COPG2: variants seen among roughly 807,000 people sequenced by gnomAD.
COPG2 encodes coatomer subunit gamma-2.
A neutral mutation model predicts 46.3 loss-of-function variants in COPG2; 37 were observed. That is an observed-to-expected ratio of 0.80 (90% CI 0.61 to 1.05). The LOEUF (loss-of-function observed/expected upper bound fraction) is 1.05. Ranked by LOEUF, COPG2 falls within the 50% of genes least tolerant of loss-of-function variation. COPG2 has a pLI of 0.00. For synonymous variants in COPG2, 159 were observed against 129.7 expected, an observed-to-expected ratio of 1.23 and a Z score of -1.53; for missense variants, 427 against 387.8, an observed-to-expected ratio of 1.10 and a Z score of -0.85.
intron 9 of COPG2, among the ~76,000 whole-genome samples, chr7:130,591,794 G>A (rs1357045399): frequency 1.0e-4 from 15 of 146,938 alleles, no homozygotes; most frequent in Non-Finnish European, 1.4e-4. Context: ...TCAGCCCCCC[G>A]CCCGGCCAGC....
intron 9 of COPG2, among the ~76,000 whole-genome samples, chr7:130,590,204 C>G (rs577359716): frequency 6.6e-6 from 1 of 151,852 alleles, no homozygotes; most frequent in Admixed American, 6.6e-5. Context: ...CTCTCCCTCT[C>G]CCTCTCCCCA....
intron 9 of COPG2, among the ~76,000 whole-genome samples, chr7:130,603,100 T>C (rs1374356783): frequency 6.6e-6 from 1 of 152,162 alleles, no homozygotes; most frequent in African/African-American, 2.4e-5. Context: ...AAAATAAATA[T>C]TTACTATCCC....
chr7:130,508,552 G>T lies in COPG2; in HGVS notation c.2247+10C>A. 1 of 771,026 alleles carries T rather than the reference G, an allele frequency of 1.3e-6. No individual in the cohort carries two copies. The highest frequency in any genetic ancestry group is 2.4e-5 in the East Asian group (1 of 41,082). 47.8% of individuals were successfully genotyped at this position (771,026 alleles called of 1,614,324 possible). A position where few individuals can be genotyped will look rare whatever the true frequency, so the allele number is the denominator to read the frequency against. ...GTGTCAAAGAAAGTCTCTATGCTGG[G>T]AAGACTCACCACATACTCATCATCA... On this transcript the variant is annotated intron_variant, in intron 21 of 23. Transcript: ENST00000425248.
At chr7:130,643,700 G>A (rs761386648) in intron 5 of COPG2, among the ~76,000 whole-genome samples, 13 of 152,042 alleles carry the variant, frequency 8.6e-5, no homozygotes, top group Non-Finnish European at 1.9e-4. Flanking sequence ...GTTTACGCCT[G>A]TGATCCCAGC....
chr7:130,619,709 A>G (rs971185851), intron 5 of COPG2, among the ~76,000 whole-genome samples: 1 of 152,148 alleles, frequency 6.6e-6, no homozygotes, highest in African/African-American at 2.4e-5. Flanking sequence ...TTCAATGCTT[A>G]ATTTTATTTT....
At position 130,660,252 on chromosome 7, in the gene COPG2, T is replaced by G. The variant is rs183048944; in HGVS notation, c.243+2715A>C. On this transcript the variant is annotated intron_variant, in intron 4 of 23. Transcript: ENST00000425248. ...AAAGCCTAAAATACTCTGGTCATTATTCATAACCTGCAGACTTATTCCTTG... is the reference window on the plus strand; with the variant it reads ...AAAGCCTAAAATACTCTGGTCATTAGTCATAACCTGCAGACTTATTCCTTG... Among the ~76,000 whole-genome samples the G allele has an allele frequency of 2.7e-3, 408 of 152,346 alleles. 2 individuals carry two copies. Among genetic ancestry groups the G allele is most frequent in the Non-Finnish European group, 3.1e-3 (213 of 68,038 alleles).
At chr7:130,577,910 G>C (rs1471136875) in intron 9 of COPG2, among the ~76,000 whole-genome samples, 3 of 151,738 alleles carry the variant, frequency 2.0e-5, no homozygotes, top group Non-Finnish European at 3.0e-5. Context: ...AGGCGGCAGC[G>C]AGGCTGGGGG....
At chr7:130,584,113 T>C (rs1246697698) in intron 9 of COPG2, among the ~76,000 whole-genome samples, 5 of 151,978 alleles carry the variant, frequency 3.3e-5, no homozygotes, top group Non-Finnish European at 7.4e-5. Flanking sequence ...TAATCCACCA[T>C]GACCAAGTGG....
At chr7:130,640,622 C>T (rs1233586349) in intron 5 of COPG2, among the ~76,000 whole-genome samples, 1 of 152,006 alleles carries the variant, frequency 6.6e-6, no homozygotes, top group East Asian at 1.9e-4. Context: ...GAAAAGTCTG[C>T]CCCAATTTCA....
In COPG2 at chr7:130,561,030, T is replaced by C; in HGVS notation, c.1128+3A>G. 1 of 398,602 alleles carries C rather than the reference T, an allele frequency of 2.5e-6. No individual in the cohort carries two copies. The highest frequency in any genetic ancestry group is 4.4e-6 in the Non-Finnish European group (1 of 226,044). 24.7% of individuals were successfully genotyped at this position (398,602 alleles called of 1,614,324 possible). On this transcript the variant is annotated splice_donor_region_variant and intron_variant, in intron 12 of 23. Coordinates refer to ENST00000425248, the MANE Select transcript of COPG2 (RefSeq NM_012133.6). ...GAAAATATGATCATGTTTAAACTCT[T>C]ACCTTGAACTCATCTGAGATTTCAG...
At chr7:130,597,257 G>C (rs545425364) in intron 9 of COPG2, among the ~76,000 whole-genome samples, 5 of 152,304 alleles carry the variant, frequency 3.3e-5, no homozygotes, top group East Asian at 1.9e-4. Flanking sequence ...ACCATTCTAA[G>C]TTATGCCCAC....
intron 12 of COPG2, among the ~76,000 whole-genome samples, chr7:130,556,408 C>G (rs1380471515): frequency 2.6e-5 from 4 of 152,094 alleles, no homozygotes; most frequent in African/African-American, 9.7e-5. Context: ...TAGCGCCTAA[C>G]TTGCAAGATG....
intron 5 of COPG2, among the ~76,000 whole-genome samples, chr7:130,622,932 C>A (rs1425186534): frequency 1.3e-5 from 2 of 152,124 alleles, no homozygotes; most frequent in Non-Finnish European, 2.9e-5. Context: ...CAGAAATGAT[C>A]CTAGCTCCTG....
chr7:130,653,198 G>C (rs1795782682), intron 4 of COPG2, among the ~76,000 whole-genome samples: 1 of 152,136 alleles, frequency 6.6e-6, no homozygotes, highest in South Asian at 2.1e-4. Context: ...TTTCTACTGA[G>C]AGATACAAAC....
chr7:130,535,595 T>C (rs1398865171), intron 20 of COPG2, among the ~76,000 whole-genome samples: 3 of 148,066 alleles, frequency 2.0e-5, no homozygotes, highest in South Asian at 2.2e-4. Context: ...GGTGTGAATC[T>C]TGGGCCAGGC....
At chr7:130,621,156 G>A (rs1383216004) in intron 5 of COPG2, among the ~76,000 whole-genome samples, 1 of 152,176 alleles carries the variant, frequency 6.6e-6, no homozygotes, top group Non-Finnish European at 1.5e-5. Context: ...AGGAATGCAA[G>A]TAGCCTCCAG....
intron 4 of COPG2, among the ~76,000 whole-genome samples, chr7:130,661,851 AG>A (rs1315735195): frequency 1.3e-5 from 2 of 152,230 alleles, no homozygotes; most frequent in Admixed American, 6.5e-5. Context: ...AATCTGGGTA[AG>A]GGGGCCAGAA....
At chr7:130,661,319 C>A (rs1188101499) in intron 4 of COPG2, among the ~76,000 whole-genome samples, 2 of 152,206 alleles carry the variant, frequency 1.3e-5, no homozygotes, top group Admixed American at 1.3e-4. Context: ...GTAACAGCAG[C>A]CTTGGGAAGA....
chr7:130,513,308 A>AATATATATATATATAT (rs1197540092), intron 20 of COPG2, among the ~76,000 whole-genome samples: 21 of 55,626 alleles, frequency 3.8e-4, no homozygotes, highest in South Asian at 7.1e-4. Context: ...AAAAAAAAAA[A>AATATATATATATATAT]ATATATATAT....
Sources: gnomAD v4.1 joint callset for allele counts (sites outside exome capture counted in the v4.1 genomes callset) on GRCh38, gnomAD v4.1.1 for gene constraint, MANE v1.5 for transcripts, NCBI Gene and HGNC (gene_info 2026-07-23, HGNC 2026-07-21) for gene names.